The following GFM2 variants were observed in gnomAD, a reference collection of about 807,000 sequenced individuals.
GFM2 encodes GTP dependent ribosome recycling factor mitochondrial 2.
A neutral mutation model predicts 95.4 loss-of-function variants in GFM2; 72 were observed. The observed-to-expected ratio is 0.76, with a 90% CI of 0.62 to 0.92. GFM2 has a LOEUF of 0.92. GFM2 is among the 40% of genes least tolerant of loss of function. GFM2 has a pLI of 0.00. For synonymous variants in GFM2, 276 were observed against 317.5 expected (o/e 0.87, Z 1.39); for missense variants, 825 against 924.1 (o/e 0.89, Z 1.39).
In GFM2 at chr5:74,732,927, GACAC is replaced by G. The variant is rs67360841; in HGVS notation, c.1587+91_1587+94del. On this transcript the variant is annotated intron_variant, in intron 16 of 20. Transcript: ENST00000296805. ...TTCAGGACACAGACTTAATGTTTTA[GACAC>G]ACACACACACACACACACACACACA... 0.2 allele frequency: 81,003 copies of G among 399,660 alleles called. 4,955 individuals are homozygous for G. The highest frequency in any genetic ancestry group is 0.23 in the Middle Eastern group (505 of 2,182). 24.8% of individuals were successfully genotyped at this position (399,660 alleles called of 1,614,324 possible). A position where few individuals can be genotyped will look rare whatever the true frequency, so the allele number is the denominator to read the frequency against.
At position 74,759,369 on chromosome 5, in the gene GFM2, T is replaced by A. The variant is rs1744165499; in HGVS notation, c.206A>T (p.Lys69Ile). 6.6e-7 allele frequency: 1 copy of A among 1,504,072 alleles called. No individual in the cohort carries two copies. Among genetic ancestry groups the A allele is most frequent in the African/African-American group, 1.4e-5 (1 of 71,048 alleles). 93.2% of individuals were successfully genotyped at this position (1,504,072 alleles called of 1,614,324 possible). Reference protein sequence around the residue: ...LHSIINPPIAKIRNIGIMAHI... With the variant: ...LHSIINPPIAIIRNIGIMAHI... The stretch of plus-strand genomic sequence containing the variant: ...AGCATGATATAATGATAGTACTTAC[T>A]TAGCTATGGGAGGATTGATGATGGA... Residue 69 changes from lysine (K) to isoleucine (I), a missense_variant and splice_region_variant, in exon 4 of 21, where the codon AAA becomes ATA. Transcript: ENST00000296805.
chr5:74,757,852 A>G, intron 5 of GFM2, among the ~76,000 whole-genome samples: 1 of 152,164 alleles, frequency 6.6e-6, no homozygotes, highest in East Asian at 1.9e-4. Context: ...TAGAAAGACA[A>G]ATACTTACGA....
chr5:74,746,463 A>G (rs1743393846), intron 8 of GFM2, among the ~76,000 whole-genome samples: 2 of 152,192 alleles, frequency 1.3e-5, no homozygotes, highest in Admixed American at 6.5e-5. Flanking sequence ...TGAATTGATC[A>G]AGGTAACAAG....
At chr5:74,738,267 T>C in intron 14 of GFM2, 51 bp downstream of exon 14, 1 of 1,403,678 alleles carries the variant, frequency 7.1e-7, no homozygotes, top group Non-Finnish European at 9.9e-7. Flanking sequence ...TGCTTACTTG[T>C]AATTAAATAT....
intron 15 of GFM2, among the ~76,000 whole-genome samples, chr5:74,734,166 C>T (rs749246831): frequency 2.0e-5 from 3 of 151,976 alleles, no homozygotes; most frequent in Non-Finnish European, 2.9e-5. Flanking sequence ...ATGTTATGAA[C>T]TGCCAGATGC....
Position 74,738,484 on chromosome 5 carries a change from A to G in GFM2, c.1220+18T>C. 3.1e-6 allele frequency: 5 copies of G among 1,610,708 alleles called. No homozygotes were observed. Among genetic ancestry groups the G allele is most frequent in the Non-Finnish European group, 4.2e-6 (5 of 1,178,732 alleles). ...GAAGTGCATACAGTTTTATAAAATA[A>G]TCTAAGCTTCTACTTACGTGCAGTT... On this transcript the variant is annotated intron_variant, in intron 13 of 20. Coordinates refer to ENST00000296805, the MANE Select transcript of GFM2 (RefSeq NM_032380.5).
intron 5 of GFM2, among the ~76,000 whole-genome samples, chr5:74,757,404 T>C (rs923724862): frequency 6.6e-6 from 1 of 152,144 alleles, no homozygotes; most frequent in African/African-American, 2.4e-5. Flanking sequence ...TTAGTGACTA[T>C]AATTACTGTA....
intron 14 of GFM2, 151 bp from the exon 15 acceptor site, chr5:74,737,136 C>T: frequency 1.4e-6 from 1 of 694,746 alleles, no homozygotes. Context: ...TCATTAATAA[C>T]TTTGCATAAG....
At chr5:74,745,917 G>A (rs1049497937) in intron 9 of GFM2, 60 bp from the exon 10 acceptor site, 8 of 1,373,574 alleles carry the variant, frequency 5.8e-6, no homozygotes, top group African/African-American at 1.5e-5. Flanking sequence ...CTACAATGAT[G>A]ACAAGTCTTT....
chr5:74,721,646 C>CTAAAACATT lies in GFM2; in HGVS notation c.2340_*8dup, dbSNP rs1749884975. ...GTGCTCCTGAATTTCTCTCCAAAAA[C>CTAAAACATT]TAAAACATTTAGGTCAAACCACTTC... On this transcript the variant is annotated 3_prime_UTR_variant, in exon 21 of 21. Transcript: ENST00000296805. 6.2e-7 allele frequency: 1 copy of CTAAAACATT among 1,605,738 alleles called. No individual in the cohort carries two copies. The highest frequency in any genetic ancestry group is 1.7e-5 in the Admixed American group (1 of 57,862).
chr5:74,753,591 C>T (rs892839989), intron 5 of GFM2, among the ~76,000 whole-genome samples: 6 of 151,848 alleles, frequency 4.0e-5, no homozygotes, highest in South Asian at 4.2e-4. Context: ...AGCAAGACTC[C>T]ATCTCAAAAA....
chr5:74,725,520 A>C, intron 19 of GFM2, 120 bp downstream of exon 19: 4 of 597,642 alleles, frequency 6.7e-6, no homozygotes, highest in South Asian at 2.5e-5. Context: ...CTTGTTGACC[A>C]CAAGGCTGAG....
chr5:74,750,689 T>C, intron 6 of GFM2, 22 bp from the exon 7 acceptor site: 1 of 1,552,376 alleles, frequency 6.4e-7, no homozygotes. Context: ...ATAAGACGTA[T>C]AATGCCTTCT....
chr5:74,747,886 A>T, intron 7 of GFM2, 106 bp from the exon 8 acceptor site: 2 of 622,134 alleles, frequency 3.2e-6, no homozygotes, highest in Non-Finnish European at 5.7e-6. Flanking sequence ...ATTGGGCCCT[A>T]TTCTAGCAGA....
intron 10 of GFM2, 33 bp from the exon 11 acceptor site, chr5:74,741,642 G>C (rs1561247685): frequency 8.6e-7 from 1 of 1,158,436 alleles, no homozygotes; most frequent in East Asian, 2.4e-5. Context: ...TCTATAACTT[G>C]CATTTACTTT....
At chr5:74,748,347 G>GTT (rs1376686774) in intron 7 of GFM2, among the ~76,000 whole-genome samples, 1 of 152,124 alleles carries the variant, frequency 6.6e-6, no homozygotes, top group Non-Finnish European at 1.5e-5. Context: ...GTACGTTTGT[G>GTT]TAACTACTAC....
chr5:74,731,950 ATTTAT>A (rs1459938744), intron 16 of GFM2, among the ~76,000 whole-genome samples: 1 of 139,142 alleles, frequency 7.2e-6, no homozygotes, highest in Non-Finnish European at 1.6e-5. Flanking sequence ...TTTTTATTTT[ATTTAT>A]TTTTATTTAT....
intron 17 of GFM2, among the ~76,000 whole-genome samples, chr5:74,729,669 C>T (rs1471069549): frequency 6.7e-6 from 1 of 148,654 alleles, no homozygotes; most frequent in Non-Finnish European, 1.5e-5. Flanking sequence ...ACCTGGTTAT[C>T]CTAAACGTCT....
chr5:74,739,334 A>C (rs1742996676), intron 12 of GFM2, among the ~76,000 whole-genome samples: 1 of 152,098 alleles, frequency 6.6e-6, no homozygotes, highest in Admixed American at 6.6e-5. Context: ...GTGCTTTACT[A>C]ATCATTTAAT....
Sources: gnomAD v4.1 joint callset for allele counts (sites outside exome capture counted in the v4.1 genomes callset) on GRCh38, gnomAD v4.1.1 for gene constraint, MANE v1.5 for transcripts, NCBI Gene and HGNC (gene_info 2026-07-23, HGNC 2026-07-21) for gene names.